SLC14A2: variants seen among roughly 807,000 people sequenced by gnomAD.
SLC14A2 encodes urea transporter 2.
SLC14A2 carries 91 observed loss-of-function variants against 104.6 expected under a neutral mutation model. That is an observed-to-expected ratio of 0.87 (90% CI 0.73 to 1.04). The LOEUF (loss-of-function observed/expected upper bound fraction) is 1.04. Among genes scored for constraint, SLC14A2 ranks in the 50% least tolerant of loss-of-function variants. SLC14A2 has a pLI of 0.00. For synonymous variants in SLC14A2, 476 were observed against 466.4 expected (o/e 1.02, Z -0.27); for missense variants, 1,189 against 1,156.0 (o/e 1.03, Z -0.41).
the SLC14A2 span, among the ~76,000 whole-genome samples, chr18:45,175,318 A>C: frequency 6.6e-6 from 1 of 152,182 alleles, no homozygotes. Context: ...TCTGTATACT[A>C]ATTTAAAAAG....
At chr18:45,341,945 T>C (rs976385032) in intron 1 of SLC14A2, among the ~76,000 whole-genome samples, 13 of 152,168 alleles carry the variant, frequency 8.5e-5, no homozygotes, top group African/African-American at 2.4e-4. Context: ...AAAGAAAATA[T>C]GTATTAGGCA....
At chr18:45,328,263 A>G (rs1158317980) in intron 1 of SLC14A2, among the ~76,000 whole-genome samples, 1 of 152,142 alleles carries the variant, frequency 6.6e-6, no homozygotes, top group Non-Finnish European at 1.5e-5. Flanking sequence ...GCAAAAAGGA[A>G]GTGTGGTCCT....
chr18:45,448,614 G>A (rs1186237826), intron 1 of SLC14A2, among the ~76,000 whole-genome samples: 1 of 152,148 alleles, frequency 6.6e-6, no homozygotes, highest in African/African-American at 2.4e-5. Flanking sequence ...CTGTTGCTCT[G>A]CGCAGACTCT....
At chr18:45,618,840 T>A (rs1018922314) in intron 1 of SLC14A2, among the ~76,000 whole-genome samples, 2 of 152,080 alleles carry the variant, frequency 1.3e-5, no homozygotes, top group African/African-American at 4.8e-5. Flanking sequence ...CCTTTGAACA[T>A]GGGCCCCTTA....
At chr18:45,425,277 G>C (rs1200060458) in intron 1 of SLC14A2, among the ~76,000 whole-genome samples, 1 of 152,196 alleles carries the variant, frequency 6.6e-6, no homozygotes, top group Non-Finnish European at 1.5e-5. Context: ...TAATGTAAGA[G>C]ATATGTAACA....
At position 45,437,579 on chromosome 18, in the gene SLC14A2, A is replaced by T. The variant is rs192058864; in HGVS notation, c.-124-45654A>T. 1.1e-3 allele frequency among the ~76,000 whole-genome samples: 162 copies of T among 152,250 alleles called. 2 individuals carry two copies. The highest frequency in any genetic ancestry group is 3.7e-3 in the African/African-American group (155 of 41,560). On this transcript the variant is annotated intron_variant, in intron 1 of 20. Coordinates refer to the SLC14A2 transcript ENST00000586448. ...CATGCGGTCTATCATCCCCATGCAC[A>T]CCAGCCTGCACTGGAGGTGGTTAAG...
chr18:45,591,898 G>C (rs574935454), intron 2 of SLC14A2, among the ~76,000 whole-genome samples: 1 of 152,326 alleles, frequency 6.6e-6, no homozygotes, highest in African/African-American at 2.4e-5. Flanking sequence ...AGATTTCCAA[G>C]CTTCAAGTGC....
chr18:45,461,084 C>A (rs936402011), intron 1 of SLC14A2, among the ~76,000 whole-genome samples: 2 of 152,130 alleles, frequency 1.3e-5, no homozygotes, highest in South Asian at 4.2e-4. Context: ...TTCATTGCCC[C>A]CCAAAACTCA....
intron 1 of SLC14A2, among the ~76,000 whole-genome samples, chr18:45,317,541 C>T (rs984586413): frequency 1.3e-5 from 2 of 152,112 alleles, no homozygotes; most frequent in African/African-American, 4.8e-5. Flanking sequence ...AGAAGGCCTC[C>T]CTTCTAAAGT....
intron 1 of SLC14A2, among the ~76,000 whole-genome samples, chr18:45,249,881 C>T (rs1449575212): frequency 1.3e-5 from 2 of 151,946 alleles, no homozygotes; most frequent in African/African-American, 4.8e-5. Context: ...CCCAGGAGTT[C>T]AAGGGTGCAG....
the SLC14A2 span, among the ~76,000 whole-genome samples, chr18:45,182,973 C>T: frequency 6.6e-6 from 1 of 151,998 alleles, no homozygotes; most frequent in Admixed American, 6.6e-5. Context: ...TAAAACAGTA[C>T]CGTATTGGTG....
intron 1 of SLC14A2, among the ~76,000 whole-genome samples, chr18:45,380,893 C>G (rs1034479105): frequency 6.6e-6 from 1 of 152,174 alleles, no homozygotes; most frequent in Non-Finnish European, 1.5e-5. Flanking sequence ...AAATAACAAC[C>G]CTTAGCCTTG....
the SLC14A2 span, among the ~76,000 whole-genome samples, chr18:45,174,618 G>A: frequency 6.6e-6 from 1 of 152,140 alleles, no homozygotes; most frequent in African/African-American, 2.4e-5. Context: ...ATAGTCTCAT[G>A]TACCCTTCTG....
At chr18:45,228,938 G>C (rs1385245519) in intron 1 of SLC14A2, among the ~76,000 whole-genome samples, 1 of 152,040 alleles carries the variant, frequency 6.6e-6, no homozygotes, top group Non-Finnish European at 1.5e-5. Flanking sequence ...ATTAAACATT[G>C]GCCCGGTTCC....
At chr18:45,676,335 G>A (rs1599168193) in intron 18 of SLC14A2, among the ~76,000 whole-genome samples, 1 of 152,186 alleles carries the variant, frequency 6.6e-6, no homozygotes, top group Non-Finnish European at 1.5e-5. Flanking sequence ...CGTCCAGACC[G>A]TGGAGCTATA....
chr18:45,216,584 A>G (rs1012411701), intron 1 of SLC14A2, among the ~76,000 whole-genome samples: 2 of 151,598 alleles, frequency 1.3e-5, no homozygotes, highest in East Asian at 1.9e-4. Context: ...GAATCTCAGC[A>G]CTCCTCTGTC....
At chr18:45,372,270 C>A (rs1177138061) in intron 1 of SLC14A2, among the ~76,000 whole-genome samples, 2 of 151,872 alleles carry the variant, frequency 1.3e-5, no homozygotes, top group Admixed American at 6.6e-5. Flanking sequence ...CAAGATCATG[C>A]CACTGCACTC....
At chr18:45,632,302 A>C in intron 4 of SLC14A2, 48 bp from the exon 5 acceptor site, 2 of 1,594,470 alleles carry the variant, frequency 1.3e-6, no homozygotes, top group Admixed American at 3.5e-5. Context: ...GGAGGGGCCC[A>C]GTAACACCAC....
intron 1 of SLC14A2, among the ~76,000 whole-genome samples, chr18:45,240,486 A>G (rs2084302668): frequency 6.6e-6 from 1 of 152,024 alleles, no homozygotes; most frequent in African/African-American, 2.4e-5. Context: ...TTCTATCTTT[A>G]GTTTTCTGAG....
Sources: allele counts gnomAD v4.1 joint callset (sites outside exome capture counted in the v4.1 genomes callset), GRCh38; gene constraint gnomAD v4.1.1; transcripts MANE v1.5; gene names NCBI Gene and HGNC (gene_info 2026-07-23, HGNC 2026-07-21).